The following INPP4B variants were observed in gnomAD, a reference collection of about 807,000 sequenced individuals.
The protein encoded by INPP4B is inositol polyphosphate-4-phosphatase type II B, also known as inositol polyphosphate 4-phosphatase type II.
A neutral mutation model predicts 122.5 loss-of-function variants in INPP4B; 55 were observed. The ratio of observed to expected loss-of-function variants is 0.45; its 90% CI spans 0.36 to 0.56. The LOEUF is 0.56. Ranked by LOEUF, INPP4B falls within the 20% of genes least tolerant of loss-of-function variation. The pLI, the probability that INPP4B is intolerant of heterozygous loss-of-function variation, is 0.00. For synonymous variants in INPP4B, 403 were observed against 388.7 expected (o/e 1.04, Z -0.43); for missense variants, 1,000 against 1,097.7 (o/e 0.91, Z 1.26).
At chr4:142,096,574 TTTC>T (rs1156679178) in intron 23 of INPP4B, among the ~76,000 whole-genome samples, 1 of 152,160 alleles carries the variant, frequency 6.6e-6, no homozygotes, top group African/African-American at 2.4e-5. Context: ...TTGGATATTA[TTTC>T]TTCTCACTTT....
chr4:142,675,661 G>C (rs1382218293), intron 2 of INPP4B, among the ~76,000 whole-genome samples: 1 of 152,140 alleles, frequency 6.6e-6, no homozygotes, highest in East Asian at 1.9e-4. Flanking sequence ...AATCAAGTCA[G>C]CTTCATCCCT....
chr4:142,033,999 A>G (rs1164860103), intron 25 of INPP4B, among the ~76,000 whole-genome samples: 1 of 152,064 alleles, frequency 6.6e-6, no homozygotes, highest in African/African-American at 2.4e-5. Context: ...CTGATACTCT[A>G]CTTATCAGGC....
chr4:142,801,749 A>G (rs1482535841), intron 1 of INPP4B, among the ~76,000 whole-genome samples: 8 of 152,060 alleles, frequency 5.3e-5, no homozygotes, highest in Non-Finnish European at 1.0e-4. Context: ...AGTCAGAGTG[A>G]CTCCCAGATT....
intron 21 of INPP4B, among the ~76,000 whole-genome samples, chr4:142,114,526 T>C (rs946166390): frequency 3.3e-5 from 5 of 152,134 alleles, no homozygotes; most frequent in Admixed American, 3.3e-4. Flanking sequence ...TTATGTTGAA[T>C]ATGTTTTCTT....
At chr4:142,325,100 T>C (rs1477841800) in intron 7 of INPP4B, among the ~76,000 whole-genome samples, 1 of 152,156 alleles carries the variant, frequency 6.6e-6, no homozygotes, top group Non-Finnish European at 1.5e-5. Context: ...TTTGCTCTGA[T>C]AGCTTAACGG....
chr4:142,041,639 A>G (rs116252350), intron 25 of INPP4B, among the ~76,000 whole-genome samples: 1 of 152,162 alleles, frequency 6.6e-6, no homozygotes, highest in South Asian at 2.1e-4. Flanking sequence ...ACTACTACTA[A>G]TAATAATATC....
intron 2 of INPP4B, among the ~76,000 whole-genome samples, chr4:142,669,900 G>C (rs1007204677): frequency 2.0e-5 from 3 of 152,160 alleles, no homozygotes; most frequent in African/African-American, 7.2e-5. Context: ...ATGTAAATTA[G>C]TACAGCCTTT....
rs777832430 is a variant in INPP4B, at chr4:142,041,694, C to CAGTG, written c.2643-12784_2643-12781dup. ...TGCCAAATCTCAGTTCTTACATAGA[C>CAGTG]AGTGAGTACCTTGCCATTGCTCAGT... On this transcript the variant is annotated intron_variant, in intron 25 of 25. Transcript: ENST00000262992. Among the ~76,000 whole-genome samples, 10 of 152,266 alleles carry CAGTG rather than the reference C, an allele frequency of 6.6e-5. No individual in the cohort carries two copies. In the East Asian group the frequency reaches 1.5e-3, roughly 24 times the overall value.
At chr4:142,443,127 C>T (rs1159333379) in intron 3 of INPP4B, among the ~76,000 whole-genome samples, 4 of 152,024 alleles carry the variant, frequency 2.6e-5, no homozygotes, top group Admixed American at 2.0e-4. Context: ...CCATATCAGA[C>T]CTCAAAAAAC....
chr4:142,313,684 T>C (rs956353147), intron 8 of INPP4B, among the ~76,000 whole-genome samples: 2 of 152,142 alleles, frequency 1.3e-5, no homozygotes, highest in African/African-American at 4.8e-5. Context: ...TAGAAGTGAA[T>C]GGCACAAGAG....
At chr4:142,300,090 T>C (rs1385332695) in intron 9 of INPP4B, among the ~76,000 whole-genome samples, 1 of 152,184 alleles carries the variant, frequency 6.6e-6, no homozygotes, top group Non-Finnish European at 1.5e-5. Context: ...AAACAAAATT[T>C]GTCATTTAAA....
At chr4:142,056,446 A>G (rs759087628) in intron 25 of INPP4B, among the ~76,000 whole-genome samples, 2 of 152,082 alleles carry the variant, frequency 1.3e-5, no homozygotes, top group African/African-American at 2.4e-5. Context: ...TTTCAGGGAA[A>G]CCTTTGATTA....
chr4:142,451,962 G>A (rs1209843661), intron 3 of INPP4B, among the ~76,000 whole-genome samples: 2 of 152,118 alleles, frequency 1.3e-5, no homozygotes, highest in African/African-American at 4.8e-5. Context: ...GTGCAGGTCT[G>A]ATACATAGGT....
chr4:142,147,294 CAT>C (rs1811316051), intron 17 of INPP4B, among the ~76,000 whole-genome samples: 2 of 152,076 alleles, frequency 1.3e-5, no homozygotes, highest in African/African-American at 4.8e-5. Context: ...ACTTCATAAA[CAT>C]ATAAATTAAT....
chr4:142,389,349 T>C (rs1283158291), intron 7 of INPP4B, among the ~76,000 whole-genome samples: 1 of 152,070 alleles, frequency 6.6e-6, no homozygotes, highest in African/African-American at 2.4e-5. Flanking sequence ...GTGTCATGTG[T>C]ATAATGTTTC....
intron 3 of INPP4B, among the ~76,000 whole-genome samples, chr4:142,455,167 T>C (rs1279400988): frequency 1.3e-5 from 2 of 152,012 alleles, no homozygotes; most frequent in Admixed American, 1.3e-4. Context: ...TTACAAATAA[T>C]TCAATTACAC....
chr4:142,136,451 C>T (rs934258816), intron 18 of INPP4B, among the ~76,000 whole-genome samples: 4 of 152,304 alleles, frequency 2.6e-5, no homozygotes, highest in South Asian at 2.1e-4. Flanking sequence ...AGTGAGAGGC[C>T]GTGTGTGACC....
rs143687517 is a variant in INPP4B at position 142,788,439 on chromosome 4, A to G, written c.-254+57770T>C. 2.1e-3 allele frequency among the ~76,000 whole-genome samples: 325 copies of G among 152,228 alleles called. 4 individuals are homozygous for G. The highest frequency in any genetic ancestry group is 7.2e-3 in the African/African-American group (300 of 41,556). ...TAGTAACATGTGAATGGTCTTTAAG[A>G]TATTAGAGAAACTAGAAACGTTTTT... On this transcript the variant is annotated intron_variant, in intron 1 of 25. Transcript: ENST00000262992.
At chr4:142,072,154 G>T (rs1297393291) in intron 25 of INPP4B, among the ~76,000 whole-genome samples, 1 of 152,168 alleles carries the variant, frequency 6.6e-6, no homozygotes, top group African/African-American at 2.4e-5. Context: ...ATACTATGCA[G>T]CCATAAAAAG....
Sources: allele counts gnomAD v4.1 joint callset (sites outside exome capture counted in the v4.1 genomes callset), GRCh38; gene constraint gnomAD v4.1.1; transcripts MANE v1.5; gene names NCBI Gene and HGNC (gene_info 2026-07-23, HGNC 2026-07-21).